KIAA1217: variants seen among roughly 807,000 people sequenced by gnomAD.
The protein encoded by KIAA1217 is sickle tail protein homolog.
In KIAA1217, 88 loss-of-function variants were observed where a neutral mutation model predicts 163.9. That is an observed-to-expected ratio of 0.54 (90% CI 0.45 to 0.64). KIAA1217 has a LOEUF of 0.64. KIAA1217 is among the 30% of genes least tolerant of loss of function. The probability of loss-of-function intolerance (pLI) is 0.00; values close to 1 mark genes in which losing one functional copy is unlikely to be tolerated. For missense variants in KIAA1217, 2,372 were observed against 2,475.0 expected (o/e 0.96, Z 0.88); for synonymous variants, 903 against 923.1 (o/e 0.98, Z 0.39).
intron 2 of KIAA1217, among the ~76,000 whole-genome samples, chr10:24,036,802 C>T (rs1481159148): frequency 6.6e-6 from 1 of 152,198 alleles, no homozygotes; most frequent in African/African-American, 2.4e-5. Flanking sequence ...AAGGATCCAC[C>T]CCCATGACCC....
intron 1 of KIAA1217, among the ~76,000 whole-genome samples, chr10:23,939,700 T>C (rs939865015): frequency 6.6e-6 from 1 of 151,622 alleles, no homozygotes; most frequent in African/African-American, 2.4e-5. Context: ...TAATTAGTGA[T>C]AAAACAAGTA....
At chr10:24,211,538 TTGTATTGTATTGTA>T (rs2068092382) in intron 1 of KIAA1217, among the ~76,000 whole-genome samples, 2 of 5,872 alleles carry the variant, frequency 3.4e-4, no homozygotes, top group African/African-American at 5.7e-4. Context: ...CATGGTTGTA[TTGTATTGTATTGTA>T]TTGTATTGTA....
At position 24,433,148 on chromosome 10, in the gene KIAA1217, T is replaced by C; in HGVS notation, c.707T>C (p.Ile236Thr). The C allele has an allele frequency of 6.2e-7, 1 of 1,614,100 alleles. No individual in the cohort carries two copies. The highest frequency in any genetic ancestry group is 8.5e-7 in the Non-Finnish European group (1 of 1,180,020). ...MLESPSVAIY[I>T]KDESRNVYYE... ...GAATCGCCCAGTGTCGCCATTTACATCAAAGATGAAAGCAGAAATGTCTAT... is the reference window on the plus strand; with the variant it reads ...GAATCGCCCAGTGTCGCCATTTACACCAAAGATGAAAGCAGAAATGTCTAT... The change falls in exon 4 of 21, where the codon ATC becomes ACC. Residue 236 changes from isoleucine (I) to threonine (T), a missense_variant. Physicochemically the swap from Ile to Thr is moderately conservative, Grantham distance 89. Around this residue, in one of 3 missense-constraint regions of KIAA1217, gnomAD observed 1,431 missense variants for 1,470.3 expected, o/e 0.97. Coordinates refer to ENST00000376454, the MANE Select transcript of KIAA1217 (RefSeq NM_019590.5).
At chr10:24,087,207 A>G (rs1243704854) in intron 2 of KIAA1217, among the ~76,000 whole-genome samples, 1 of 152,234 alleles carries the variant, frequency 6.6e-6, no homozygotes, top group Non-Finnish European at 1.5e-5. Flanking sequence ...AGAAAGATTC[A>G]TGTTAACTAG....
chr10:24,531,021 C>A (rs2073035026), intron 14 of KIAA1217, among the ~76,000 whole-genome samples: 1 of 141,634 alleles, frequency 7.1e-6, no homozygotes. Flanking sequence ...ATGGCAGAAA[C>A]CCCGCCTGTA....
At chr10:24,393,860 G>GC (rs1207485424) in intron 3 of KIAA1217, among the ~76,000 whole-genome samples, 1 of 152,114 alleles carries the variant, frequency 6.6e-6, no homozygotes, top group East Asian at 1.9e-4. Flanking sequence ...CCTTAGCACA[G>GC]CCCCACGTAC....
intron 1 of KIAA1217, among the ~76,000 whole-genome samples, chr10:23,798,082 A>G (rs181424079): frequency 6.6e-6 from 1 of 152,288 alleles, no homozygotes; most frequent in East Asian, 1.9e-4. Flanking sequence ...CATTCAAACA[A>G]TGGTCTCTGG....
At chr10:24,435,865 CT>C (rs918967955) in intron 4 of KIAA1217, among the ~76,000 whole-genome samples, 169 of 145,034 alleles carry the variant, frequency 1.2e-3, no homozygotes, top group Middle Eastern at 3.5e-3. Context: ...GATAGCCTAA[CT>C]TTTTTTTTTT....
At position 24,073,293 on chromosome 10, in the gene KIAA1217, G is replaced by A. The variant is rs139240447; in HGVS notation, c.-171+65919G>A. On this transcript the variant is annotated intron_variant, in intron 2 of 18. Coordinates refer to the KIAA1217 transcript ENST00000376462. ...GAGAAGGGGTCTAGATTTCCTGGGCGGCTGGGGCAGGCATGTGAGTAGCGA... is the reference window on the plus strand; with the variant it reads ...GAGAAGGGGTCTAGATTTCCTGGGCAGCTGGGGCAGGCATGTGAGTAGCGA... Among the ~76,000 whole-genome samples the A allele has an allele frequency of 3.9e-5, 6 of 152,134 alleles. No individual in the cohort carries two copies. The East Asian group carries it at 7.8e-4, about 20-fold the overall frequency.
intron 1 of KIAA1217, among the ~76,000 whole-genome samples, chr10:23,849,670 T>C (rs1294483080): frequency 6.6e-6 from 1 of 152,070 alleles, no homozygotes; most frequent in Non-Finnish European, 1.5e-5. Flanking sequence ...ACATAAAGTA[T>C]AATAATAAAA....
At chr10:24,477,587 C>G (rs575233539) in intron 6 of KIAA1217, among the ~76,000 whole-genome samples, 1 of 152,286 alleles carries the variant, frequency 6.6e-6, no homozygotes, top group African/African-American at 2.4e-5. Context: ...GGACTAGATG[C>G]TAAGTAACTG....
At chr10:24,120,038 G>A (rs965249115) in intron 2 of KIAA1217, among the ~76,000 whole-genome samples, 4 of 152,072 alleles carry the variant, frequency 2.6e-5, no homozygotes, top group East Asian at 1.9e-4. Flanking sequence ...TGTCTGCCTC[G>A]ACCTCCAAGA....
At chr10:24,008,183 TAGATAGATAG>T (rs1847083839) in intron 2 of KIAA1217, among the ~76,000 whole-genome samples, 3 of 152,026 alleles carry the variant, frequency 2.0e-5, no homozygotes, top group Non-Finnish European at 4.4e-5. Context: ...GATAGATAGA[TAGATAGATAG>T]ATAGATAGAT....
At chr10:24,173,496 T>C (rs375965353) in intron 2 of KIAA1217, among the ~76,000 whole-genome samples, 1 of 152,180 alleles carries the variant, frequency 6.6e-6, no homozygotes, top group African/African-American at 2.4e-5. Context: ...ATAAAGCTGA[T>C]CTCTGGTGCC....
Position 24,356,762 on chromosome 10 carries a change from C to T in KIAA1217, c.355-24107C>T, listed in dbSNP as rs538937212. Among the ~76,000 whole-genome samples the T allele has an allele frequency of 3.3e-5, 5 of 152,290 alleles. No homozygotes were observed. The East Asian group carries it at 9.7e-4, about 29-fold the overall frequency. On this transcript the variant is annotated intron_variant, in intron 2 of 20. Transcript: ENST00000376454. Reference sequence around the variant, plus strand: ...TGGGATGACACAGCAAGAAGGCCCTCGCCAGATGCTGGCATCTTGATATTG... The same window carrying T: ...TGGGATGACACAGCAAGAAGGCCCTTGCCAGATGCTGGCATCTTGATATTG...
intron 2 of KIAA1217, among the ~76,000 whole-genome samples, chr10:24,267,273 C>A (rs2076325099): frequency 6.6e-6 from 1 of 152,072 alleles, no homozygotes; most frequent in Admixed American, 6.5e-5. Context: ...TTATAAAGAC[C>A]ACTTGTGGTC....
chr10:23,775,085 G>T (rs915685967), intron 1 of KIAA1217, among the ~76,000 whole-genome samples: 1 of 152,092 alleles, frequency 6.6e-6, no homozygotes, highest in African/African-American at 2.4e-5. Context: ...AGGTGTGTGT[G>T]ATCAGATGCA....
At chr10:23,909,029 G>T (rs1302219924) in intron 1 of KIAA1217, among the ~76,000 whole-genome samples, 1 of 152,086 alleles carries the variant, frequency 6.6e-6, no homozygotes, top group Non-Finnish European at 1.5e-5. Flanking sequence ...GCCATAAAAA[G>T]GAATAAATTA....
chr10:24,006,348 C>A (rs1846996924), intron 1 of KIAA1217, among the ~76,000 whole-genome samples: 1 of 152,192 alleles, frequency 6.6e-6, no homozygotes, highest in South Asian at 2.1e-4. Flanking sequence ...TTTTATCCAT[C>A]ATTTTCCTTC....
Sources: gnomAD v4.1 joint callset for allele counts (sites outside exome capture counted in the v4.1 genomes callset) on GRCh38, gnomAD v4.1.1 for gene constraint, gnomAD v4.1.1 regional missense constraint, MANE v1.5 for transcripts, NCBI Gene and HGNC (gene_info 2026-07-23, HGNC 2026-07-21) for gene names.